ATP2A2: variants seen among roughly 807,000 people sequenced by gnomAD.
ATP2A2 encodes the protein ATPase sarcoplasmic/endoplasmic reticulum Ca2+ transporting 2, also known as sarcoplasmic/endoplasmic reticulum calcium ATPase 2.
A neutral mutation model predicts 109.3 loss-of-function variants in ATP2A2; 14 were observed. The observed-to-expected ratio is 0.13, with a 90% CI of 0.08 to 0.20. The LOEUF (loss-of-function observed/expected upper bound fraction) is 0.20. Ranked by LOEUF, ATP2A2 falls within the 10% of genes least tolerant of loss-of-function variation. The probability of loss-of-function intolerance (pLI) is 1.00; values close to 1 mark genes in which losing one functional copy is unlikely to be tolerated. For missense variants in ATP2A2, 657 were observed against 1,321.6 expected, an observed-to-expected ratio of 0.50 and a Z score of 7.80; for synonymous variants, 506 against 490.9, an observed-to-expected ratio of 1.03 and a Z score of -0.41.
chr12:110,313,964 G>A (rs1485039931), intron 5 of ATP2A2, among the ~76,000 whole-genome samples: 4 of 150,680 alleles, frequency 2.7e-5, no homozygotes, highest in Admixed American at 6.6e-5. Flanking sequence ...TCCACCCACC[G>A]TCAGCCTCCC....
chr12:110,283,852 A>G (rs3026438), intron 3 of ATP2A2, among the ~76,000 whole-genome samples: 46 of 152,324 alleles, frequency 3.0e-4, no homozygotes, highest in East Asian at 2.3e-3. Context: ...GAACCATACC[A>G]TAGAGGGCTA....
At chr12:110,288,769 T>C (rs956289548) in intron 3 of ATP2A2, among the ~76,000 whole-genome samples, 1 of 152,250 alleles carries the variant, frequency 6.6e-6, no homozygotes, top group African/African-American at 2.4e-5. Flanking sequence ...TCCCAGTTCC[T>C]TGTATAAGTA....
At chr12:110,297,346 G>T (rs1461748219) in intron 5 of ATP2A2, among the ~76,000 whole-genome samples, 2 of 148,746 alleles carry the variant, frequency 1.3e-5, no homozygotes, top group Non-Finnish European at 3.0e-5. Context: ...GCAGCAGGAA[G>T]AATCGCTTGA....
chr12:110,281,635 C>T lies in ATP2A2; in HGVS notation c.-155C>T, dbSNP rs1237820467. On this transcript the variant is annotated 5_prime_UTR_variant, in exon 1 of 20. Coordinates refer to ENST00000539276, the MANE Select transcript of ATP2A2 (RefSeq NM_170665.4). ...CTGGGGGAGGGGGCGCGGGGTGATT[C>T]AGCGCCCGGCGAGGCGGAAGCGGCC... is the stretch of plus-strand genomic sequence containing the variant. The T allele has an allele frequency of 1.6e-5, 7 of 436,630 alleles. No individual in the cohort carries two copies. The East Asian group carries it at 2.9e-4, about 18-fold the overall frequency. 27.0% of individuals were successfully genotyped at this position (436,630 alleles called of 1,614,324 possible).
At position 110,323,167 on chromosome 12, in the gene ATP2A2, T is replaced by C. The variant is rs1877417608; in HGVS notation, c.544+95T>C. 9 of 940,166 alleles carry C rather than the reference T, an allele frequency of 9.6e-6. No homozygotes were observed. In the Admixed American group the frequency reaches 1.6e-4, roughly 16 times the overall value. The allele number at this position is 940,166 out of a possible 1,614,324, so 58.2% of individuals were successfully genotyped here. A position where few individuals can be genotyped will look rare whatever the true frequency, so the allele number is the denominator to read the frequency against. ...CTTGCCTCACTGTCCCTTTATGGTATCCCATCTTAATCCTCTCTAAGATAC... is the reference window on the plus strand; with the variant it reads ...CTTGCCTCACTGTCCCTTTATGGTACCCCATCTTAATCCTCTCTAAGATAC... On this transcript the variant is annotated intron_variant, in intron 6 of 19. Transcript: ENST00000539276.
In ATP2A2 at chr12:110,327,506, T is replaced by C; in HGVS notation, c.631-47T>C. 1 of 1,560,430 alleles carries C rather than the reference T, an allele frequency of 6.4e-7. No individual in the cohort carries two copies. On this transcript the variant is annotated intron_variant, in intron 7 of 19. Transcript: ENST00000539276. This position sits in a 1 kb window ranked among gnomAD's most constrained non-coding sequence, Gnocchi z 4.4. ...CAAAAACCAGCGTCGGTATTTAAGT[T>C]GGGATGTGGTATTCATCTTGTGACC...
At chr12:110,282,876 A>G in intron 3 of ATP2A2, 81 bp downstream of exon 3, 1 of 1,189,818 alleles carries the variant, frequency 8.4e-7, no homozygotes, top group Non-Finnish European at 1.2e-6. Flanking sequence ...AATGATGTCC[A>G]TTGGGTGAAA....
chr12:110,295,133 A>T (rs1873829148), intron 4 of ATP2A2, among the ~76,000 whole-genome samples: 1 of 151,340 alleles, frequency 6.6e-6, no homozygotes, highest in Non-Finnish European at 1.5e-5. Flanking sequence ...CATTGATTGT[A>T]ATTGTCATCT....
rs1880125997 is a variant in ATP2A2 at position 110,348,790 on chromosome 12, G to C, written c.*2320G>C. On this transcript the variant is annotated 3_prime_UTR_variant, in exon 20 of 20. Coordinates refer to ENST00000539276, the MANE Select transcript of ATP2A2 (RefSeq NM_170665.4). ...AAGGGAGGCTGCTTTGCCCAGCAGGGAACATTTGGGGCAGGGGGTAAATTT... is the reference window on the plus strand; with the variant it reads ...AAGGGAGGCTGCTTTGCCCAGCAGGCAACATTTGGGGCAGGGGGTAAATTT... 1.0e-6 allele frequency: 1 copy of C among 985,552 alleles called. No individual in the cohort carries two copies. Among genetic ancestry groups the C allele is most frequent in the Non-Finnish European group, 1.2e-6 (1 of 830,056 alleles). The allele number at this position is 985,552 out of a possible 1,614,324, so 61.1% of individuals were successfully genotyped here.
At chr12:110,333,059 T>C in intron 9 of ATP2A2, 122 bp from the exon 10 acceptor site, 1 of 893,084 alleles carries the variant, frequency 1.1e-6, no homozygotes, top group South Asian at 1.3e-5. Context: ...TTTGGAATTT[T>C]TTCCAGTATG....
At chr12:110,299,263 C>T (rs183243921) in intron 5 of ATP2A2, among the ~76,000 whole-genome samples, 46 of 152,004 alleles carry the variant, frequency 3.0e-4, no homozygotes, top group East Asian at 2.1e-3. Context: ...GAGCCCACTG[C>T]GCCTGGCCCA....
chr12:110,337,080 G>A (rs1011919549), intron 11 of ATP2A2, among the ~76,000 whole-genome samples: 1 of 152,130 alleles, frequency 6.6e-6, no homozygotes, highest in South Asian at 2.1e-4. Flanking sequence ...ACACAAGTAC[G>A]GGCAATACTG....
intron 11 of ATP2A2, among the ~76,000 whole-genome samples, chr12:110,337,742 G>T (rs574609133): frequency 3.3e-5 from 5 of 152,268 alleles, no homozygotes; most frequent in African/African-American, 7.2e-5. Flanking sequence ...AAACAATAAG[G>T]TCACCTCAGT....
At position 110,281,387 on chromosome 12, in the gene ATP2A2, C is replaced by G. The variant is rs3026433; in HGVS notation, c.-403C>G. 0.16 allele frequency: 24,303 copies of G among 151,672 alleles called. 2,646 individuals carry two copies. The highest frequency in any genetic ancestry group is 0.28 in the Admixed American group (4,215 of 15,234). The allele number at this position is 151,672 out of a possible 1,614,324, so 9.4% of individuals were successfully genotyped here. A position where few individuals can be genotyped will look rare whatever the true frequency, so the allele number is the denominator to read the frequency against. ...CCGCCCCGCCGGCTCGCCTCCCTCGCCGCGTTCCGCCCTCAGTGGTCTGCC... is the reference window on the plus strand; with the variant it reads ...CCGCCCCGCCGGCTCGCCTCCCTCGGCGCGTTCCGCCCTCAGTGGTCTGCC... On this transcript the variant is annotated 5_prime_UTR_variant, in exon 1 of 20. Coordinates refer to ENST00000539276, the MANE Select transcript of ATP2A2 (RefSeq NM_170665.4).
At chr12:110,329,440 G>C (rs1054093796) in intron 8 of ATP2A2, 1 of 153,200 alleles carries the variant, frequency 6.5e-6, no homozygotes, top group Admixed American at 6.5e-5. Flanking sequence ...TTTTGAGATG[G>C]AGTTTCACTC....
chr12:110,292,585 T>G (rs1315061809), intron 4 of ATP2A2, among the ~76,000 whole-genome samples: 4 of 152,178 alleles, frequency 2.6e-5, no homozygotes, highest in Non-Finnish European at 5.9e-5. Flanking sequence ...TTTAATTAAT[T>G]GCAAATTTTT....
At chr12:110,295,184 C>T (rs1301600748) in intron 4 of ATP2A2, among the ~76,000 whole-genome samples, 1 of 150,644 alleles carries the variant, frequency 6.6e-6, no homozygotes, top group Non-Finnish European at 1.5e-5. Context: ...TTTTTTCCCC[C>T]AAGACAGCTT....
chr12:110,346,507 CAATT>C lies in ATP2A2; in HGVS notation c.*42_*45del, dbSNP rs760975452. On this transcript the variant is annotated 3_prime_UTR_variant, in exon 20 of 20. Transcript: ENST00000539276. Reference sequence around the variant, plus strand: ...CCATAAAGAAGATGTTTAACTTAATCAATTAATTTTTTTATTGTTTAAAGCAACT... The same window carrying C: ...CCATAAAGAAGATGTTTAACTTAATCAATTTTTTTATTGTTTAAAGCAACT... The C allele has an allele frequency of 4.3e-5, 69 of 1,610,484 alleles. No individual in the cohort carries two copies. The highest frequency in any genetic ancestry group is 5.0e-5 in the Non-Finnish European group (59 of 1,178,872).
At chr12:110,331,404 A>C (rs1297566638) in intron 8 of ATP2A2, 1 of 152,154 alleles carries the variant, frequency 6.6e-6, no homozygotes, top group African/African-American at 2.4e-5. Flanking sequence ...GCAGTGGCGC[A>C]ATCTCAGCCC....
Sources: gnomAD v4.1 joint callset for allele counts (sites outside exome capture counted in the v4.1 genomes callset) on GRCh38, gnomAD v4.1.1 for gene constraint, Gnocchi (gnomAD v3.1) non-coding constraint, MANE v1.5 for transcripts, NCBI Gene and HGNC (gene_info 2026-07-23, HGNC 2026-07-21) for gene names.